ADK: variants seen among roughly 807,000 people sequenced by gnomAD.
The protein encoded by ADK is N6,N6-dimethyladenosine kinase.
Under a neutral mutation model 44.7 loss-of-function variants are expected in ADK, and 24 were observed. The observed-to-expected ratio is 0.54, with a 90% CI of 0.39 to 0.76. ADK has a LOEUF of 0.76. Among genes scored for constraint, ADK ranks in the 30% least tolerant of loss-of-function variants. The probability of loss-of-function intolerance (pLI) is 0.00; values close to 1 mark genes in which losing one functional copy is unlikely to be tolerated. For synonymous variants in ADK, 128 were observed against 142.6 expected (o/e 0.90, Z 0.73); for missense variants, 321 against 425.1 (o/e 0.76, Z 2.15).
rs567078739 is a variant in ADK, at chr10:74,638,297, A to AT, written c.878-31878dup. 5.3e-5 allele frequency among the ~76,000 whole-genome samples: 8 copies of AT among 152,118 alleles called. No individual in the cohort carries two copies. In the East Asian group the frequency reaches 9.6e-4, roughly 18 times the overall value. ...AATATATCAATACCACATTAGCTTG[A>AT]TTTTTTTTATTGCGAGAGATGCAGA... On this transcript the variant is annotated intron_variant, in intron 9 of 10. Coordinates refer to ENST00000539909, the MANE Select transcript of ADK (RefSeq NM_006721.4).
At chr10:74,522,080 T>G (rs1288028856) in intron 6 of ADK, among the ~76,000 whole-genome samples, 7 of 152,196 alleles carry the variant, frequency 4.6e-5, no homozygotes, top group Admixed American at 6.5e-5. Context: ...CTGAACCCTC[T>G]GTAACGAAAC....
At chr10:74,216,173 A>G (rs1332201892) in intron 2 of ADK, among the ~76,000 whole-genome samples, 1 of 152,174 alleles carries the variant, frequency 6.6e-6, no homozygotes, top group African/African-American at 2.4e-5. Context: ...ACATGCATAC[A>G]TTATGAAGGT....
intron 1 of ADK, among the ~76,000 whole-genome samples, chr10:74,195,703 CTTTCTTTT>C (rs1843113380): frequency 1.9e-5 from 2 of 105,976 alleles, no homozygotes; most frequent in Admixed American, 1.1e-4. Context: ...TTTTTCTTTT[CTTTCTTTT>C]TTTTTTTTTT....
At chr10:74,597,765 T>G (rs1851972633) in intron 8 of ADK, among the ~76,000 whole-genome samples, 1 of 152,160 alleles carries the variant, frequency 6.6e-6, no homozygotes, top group Admixed American at 6.5e-5. Context: ...TTAGGTGGTG[T>G]TTGCTAGTTT....
At chr10:74,406,106 A>G (rs1005042679) in intron 6 of ADK, among the ~76,000 whole-genome samples, 29 of 152,206 alleles carry the variant, frequency 1.9e-4, no homozygotes, top group African/African-American at 7.0e-4. Flanking sequence ...CTGTAGTCAT[A>G]TGGCTGACCT....
chr10:74,433,281 CCAGT>C (rs1404775803), intron 6 of ADK, among the ~76,000 whole-genome samples: 1 of 152,130 alleles, frequency 6.6e-6, no homozygotes, highest in Non-Finnish European at 1.5e-5. Flanking sequence ...CATTCAATAG[CCAGT>C]CTTGAATTTA....
At chr10:74,566,409 G>T in intron 7 of ADK, among the ~76,000 whole-genome samples, 1 of 151,938 alleles carries the variant, frequency 6.6e-6, no homozygotes, top group East Asian at 1.9e-4. Context: ...GTCTCACTAT[G>T]TGAGAGGCTG....
chr10:74,513,299 T>C (rs141692493), intron 6 of ADK, among the ~76,000 whole-genome samples: 4 of 152,188 alleles, frequency 2.6e-5, no homozygotes, highest in African/African-American at 9.6e-5. Context: ...ACTCTGATGT[T>C]TCTTTGTTGA....
intron 7 of ADK, chr10:74,530,499 A>T (rs1849238557): frequency 6.6e-6 from 1 of 152,238 alleles, no homozygotes; most frequent in South Asian, 2.1e-4. Flanking sequence ...ATTTAAAAAA[A>T]ATAATACCTT....
At chr10:74,483,969 C>T (rs1392568601) in intron 6 of ADK, among the ~76,000 whole-genome samples, 1 of 152,200 alleles carries the variant, frequency 6.6e-6, no homozygotes, top group Non-Finnish European at 1.5e-5. Flanking sequence ...CTTATGAGCC[C>T]TCCAAACTGT....
At chr10:74,365,290 C>T (rs988322855) in intron 4 of ADK, among the ~76,000 whole-genome samples, 1 of 152,184 alleles carries the variant, frequency 6.6e-6, no homozygotes, top group Non-Finnish European at 1.5e-5. Flanking sequence ...TTCTCCCCTC[C>T]AGCTAGCCCC....
At chr10:74,502,089 AAAAACT>A (rs1847903714) in intron 6 of ADK, among the ~76,000 whole-genome samples, 1 of 152,222 alleles carries the variant, frequency 6.6e-6, no homozygotes, top group Admixed American at 6.5e-5. Context: ...TCACAAATGA[AAAAACT>A]AAAACTCATC....
At chr10:74,566,645 G>A (rs1054531851) in intron 7 of ADK, among the ~76,000 whole-genome samples, 3 of 152,134 alleles carry the variant, frequency 2.0e-5, no homozygotes, top group African/African-American at 7.2e-5. Context: ...GCAGTAGTTT[G>A]AACTTCAACA....
intron 8 of ADK, among the ~76,000 whole-genome samples, chr10:74,589,737 C>T (rs1851651863): frequency 6.6e-6 from 1 of 152,022 alleles, no homozygotes; most frequent in Non-Finnish European, 1.5e-5. Context: ...TAATTTCAGC[C>T]CTATCACATG....
chr10:74,694,147 A>ATTTTTTTT (rs10669118), intron 10 of ADK, among the ~76,000 whole-genome samples: 40 of 82,284 alleles, frequency 4.9e-4, no homozygotes, highest in Non-Finnish European at 6.8e-4. Flanking sequence ...TTTCAAACAC[A>ATTTTTTTT]TTTTTTTTTT....
intron 6 of ADK, among the ~76,000 whole-genome samples, chr10:74,423,052 TC>T (rs1259642110): frequency 6.6e-6 from 1 of 152,072 alleles, no homozygotes; most frequent in East Asian, 1.9e-4. Context: ...CTGAGTCTGT[TC>T]CGCAAGAGGG....
chr10:74,176,622 G>A, intron 1 of ADK: 1 of 1,393,674 alleles, frequency 7.2e-7, no homozygotes. Flanking sequence ...GAGCTGGCAC[G>A]AGACACGCGG....
intron 3 of ADK, among the ~76,000 whole-genome samples, chr10:74,284,515 C>T (rs911611508): frequency 7.9e-5 from 12 of 152,176 alleles, no homozygotes; most frequent in African/African-American, 9.6e-5. Flanking sequence ...CTGTCTGCTT[C>T]GGCCTCGCCA....
intron 3 of ADK, among the ~76,000 whole-genome samples, chr10:74,242,481 T>C (rs991882018): frequency 6.6e-5 from 10 of 150,446 alleles, no homozygotes; most frequent in Non-Finnish European, 1.5e-4. Context: ...TTTTAGATAA[T>C]TAAAAGTACA....
Sources: allele counts gnomAD v4.1 joint callset (sites outside exome capture counted in the v4.1 genomes callset), GRCh38; gene constraint gnomAD v4.1.1; transcripts MANE v1.5; gene names NCBI Gene and HGNC (gene_info 2026-07-23, HGNC 2026-07-21).